HORMAD1: variants seen among roughly 807,000 people sequenced by gnomAD.
The protein encoded by HORMAD1 is HORMA domain-containing protein 1.
In HORMAD1, 33 loss-of-function variants were observed where a neutral mutation model predicts 58.2. That is an observed-to-expected ratio of 0.57 (90% CI 0.43 to 0.76). The LOEUF is 0.76. Among genes scored for constraint, HORMAD1 ranks in the 30% least tolerant of loss-of-function variants. HORMAD1 has a pLI of 0.00. For missense variants in HORMAD1, 363 were observed against 462.0 expected, an observed-to-expected ratio of 0.79 and a Z score of 1.96; for synonymous variants, 137 against 144.6, an observed-to-expected ratio of 0.95 and a Z score of 0.38.
chr1:150,706,264 T>C (rs587646293), intron 10 of HORMAD1, among the ~76,000 whole-genome samples: 1 of 152,194 alleles, frequency 6.6e-6, no homozygotes, highest in African/African-American at 2.4e-5. Flanking sequence ...GTCCTAGGGG[T>C]TTCCTCAGAG....
chr1:150,711,471 T>G (rs1180581354), intron 7 of HORMAD1, 74 bp downstream of exon 7: 3 of 986,596 alleles, frequency 3.0e-6, no homozygotes, highest in Non-Finnish European at 4.8e-6. Flanking sequence ...GCATAAGATA[T>G]TCTTATATTA....
At chr1:150,709,646 T>C (rs1259336150) in intron 7 of HORMAD1, among the ~76,000 whole-genome samples, 3 of 151,698 alleles carry the variant, frequency 2.0e-5, no homozygotes, top group Non-Finnish European at 2.9e-5. Flanking sequence ...AAAAGGTCTG[T>C]GCTGAGGTGG....
chr1:150,711,820 TA>T lies in HORMAD1; in HGVS notation c.300+12del. 1.9e-6 allele frequency: 3 copies of T among 1,569,616 alleles called. No individual in the cohort carries two copies. The highest frequency in any genetic ancestry group is 2.6e-6 in the Non-Finnish European group (3 of 1,144,468). Reference sequence around the variant, plus strand: ...AGTATTAAAAAAAGAACACACAATTTAAAAATACTTACAGCTAGAACAACCA... The same window carrying T: ...AGTATTAAAAAAAGAACACACAATTTAAAATACTTACAGCTAGAACAACCA... On this transcript the variant is annotated intron_variant, in intron 6 of 14. Transcript: ENST00000361824.
intron 4 of HORMAD1, among the ~76,000 whole-genome samples, chr1:150,714,385 G>C (rs1053552329): frequency 6.6e-6 from 1 of 152,092 alleles, no homozygotes; most frequent in Admixed American, 6.6e-5. Flanking sequence ...AAGCCTGCTT[G>C]CATGGGGCAC....
Position 150,703,295 on chromosome 1 carries a change from T to C in HORMAD1, c.1032+15A>G, listed in dbSNP as rs1400695082. On this transcript the variant is annotated intron_variant, in intron 13 of 14. Transcript: ENST00000361824. ...ACAAGGTTACAATGGAAAACAAACC[T>C]AAAGAGATATTTACCATTTTATTCT... 3.7e-6 allele frequency: 5 copies of C among 1,357,274 alleles called. No individual in the cohort carries two copies. The highest frequency in any genetic ancestry group is 1.3e-5 in the South Asian group (1 of 79,620). 84.1% of individuals were successfully genotyped at this position (1,357,274 alleles called of 1,614,324 possible).
At chr1:150,712,356 T>C (rs1284098245) in intron 5 of HORMAD1, among the ~76,000 whole-genome samples, 1 of 152,118 alleles carries the variant, frequency 6.6e-6, no homozygotes, top group Non-Finnish European at 1.5e-5. Context: ...TTCCTTGTAT[T>C]ACACAACCAG....
chr1:150,698,158 C>T lies in HORMAD1; in HGVS notation c.*496G>A. On this transcript the variant is annotated 3_prime_UTR_variant, in exon 15 of 15. Coordinates refer to ENST00000361824, the MANE Select transcript of HORMAD1 (RefSeq NM_032132.5). The stretch of plus-strand genomic sequence containing the variant: ...AAAAAAGCATAGTAAAGGTAAAGCA[C>T]CAATTCTTAAATTGTACATTATATA... The T allele has an allele frequency of 6.6e-6, 1 of 152,062 alleles. No homozygotes were observed. The highest frequency in any genetic ancestry group is 1.9e-4 in the East Asian group (1 of 5,202). The allele number at this position is 152,062 out of a possible 1,614,324, so 9.4% of individuals were successfully genotyped here. A position where few individuals can be genotyped will look rare whatever the true frequency, so the allele number is the denominator to read the frequency against.
intron 1 of HORMAD1, among the ~76,000 whole-genome samples, chr1:150,720,065 C>CAT (rs369368960): frequency 4.1e-4 from 61 of 149,992 alleles, no homozygotes; most frequent in Non-Finnish European, 2.1e-4. Context: ...AGGTGCCCAC[C>CAT]ATATATATAT....
rs1222758940 is a variant in HORMAD1, at chr1:150,720,833, C to G, written c.-63G>C. The G allele has an allele frequency of 3.9e-5, 6 of 152,390 alleles. No homozygotes were observed. The East Asian group carries it at 7.7e-4, about 20-fold the overall frequency. The allele number at this position is 152,390 out of a possible 1,614,324, so 9.4% of individuals were successfully genotyped here. On this transcript the variant is annotated 5_prime_UTR_variant, in exon 1 of 15. Coordinates refer to ENST00000361824, the MANE Select transcript of HORMAD1 (RefSeq NM_032132.5). Reference sequence around the variant, plus strand: ...CGTCTGAGGGGCGGGCGCCGGAGACCAGAAGAGCTGCACGAGGCTGCACGC... The same window carrying G: ...CGTCTGAGGGGCGGGCGCCGGAGACGAGAAGAGCTGCACGAGGCTGCACGC...
Position 150,698,370 on chromosome 1 carries a change from A to C in HORMAD1, c.*284T>G, listed in dbSNP as rs913571393. 5.0e-6 allele frequency: 1 copy of C among 201,124 alleles called. No homozygotes were observed. The highest frequency in any genetic ancestry group is 2.3e-5 in the African/African-American group (1 of 43,248). 12.5% of individuals were successfully genotyped at this position (201,124 alleles called of 1,614,324 possible). ...ATTAGAGGGCCTTAACAGTTAGTAT[A>C]TATTTAAAGGAAATATTAAGTAGGT... On this transcript the variant is annotated 3_prime_UTR_variant, in exon 15 of 15. Transcript: ENST00000361824.
chr1:150,707,993 T>C (rs927606592), intron 9 of HORMAD1, among the ~76,000 whole-genome samples: 3 of 152,190 alleles, frequency 2.0e-5, no homozygotes, highest in Admixed American at 6.5e-5. Flanking sequence ...TAACACGTTT[T>C]ACCAATCTGA....
At chr1:150,706,494 T>A (rs1214603386) in intron 10 of HORMAD1, 59 bp downstream of exon 10, 3 of 1,387,222 alleles carry the variant, frequency 2.2e-6, no homozygotes, top group Admixed American at 4.2e-5. Flanking sequence ...TGAAAAATCT[T>A]CAGAATTGAG....
intron 3 of HORMAD1, among the ~76,000 whole-genome samples, chr1:150,716,886 C>G (rs1042492842): frequency 1.3e-5 from 2 of 148,286 alleles, no homozygotes; most frequent in Non-Finnish European, 3.0e-5. Flanking sequence ...TGGCGTGAAC[C>G]CAGGAGGTGG....
In HORMAD1 at chr1:150,698,372, A is replaced by T. The variant is rs1398456269; in HGVS notation, c.*282T>A. ...TAGAGGGCCTTAACAGTTAGTATAT[A>T]TTTAAAGGAAATATTAAGTAGGTAA... On this transcript the variant is annotated 3_prime_UTR_variant, in exon 15 of 15. Transcript: ENST00000361824. 1 of 204,582 alleles carries T rather than the reference A, an allele frequency of 4.9e-6. No individual in the cohort carries two copies. The highest frequency in any genetic ancestry group is 2.3e-5 in the African/African-American group (1 of 43,356). The allele number at this position is 204,582 out of a possible 1,614,324, so 12.7% of individuals were successfully genotyped here.
chr1:150,703,459 A>C, intron 12 of HORMAD1, 66 bp from the exon 13 acceptor site: 1 of 839,882 alleles, frequency 1.2e-6, no homozygotes, highest in Non-Finnish European at 1.8e-6. Context: ...AACACAATAA[A>C]TGGGGTCCAA....
intron 10 of HORMAD1, among the ~76,000 whole-genome samples, chr1:150,706,295 C>T (rs1376388427): frequency 6.6e-6 from 1 of 152,132 alleles, no homozygotes; most frequent in Non-Finnish European, 1.5e-5. Flanking sequence ...AGGTAAGTGA[C>T]ATAGGGAGTG....
rs757561435 is a variant in HORMAD1 at position 150,704,074 on chromosome 1, C to G, written c.948+44G>C. 2.3e-6 allele frequency: 3 copies of G among 1,316,718 alleles called. No individual in the cohort carries two copies. In the South Asian group the frequency reaches 4.1e-5, roughly 18 times the overall value. The allele number at this position is 1,316,718 out of a possible 1,614,324, so 81.6% of individuals were successfully genotyped here. A position where few individuals can be genotyped will look rare whatever the true frequency, so the allele number is the denominator to read the frequency against. On this transcript the variant is annotated intron_variant, in intron 12 of 14. Transcript: ENST00000361824. ...AAAAAATTAGCGCATAAGCAACTGT[C>G]CTGTGAACAAAACAAAAGTGAGATG...
At chr1:150,705,690 A>AAC (rs1651670006) in intron 10 of HORMAD1, among the ~76,000 whole-genome samples, 3 of 152,206 alleles carry the variant, frequency 2.0e-5, no homozygotes, top group Non-Finnish European at 2.9e-5. Flanking sequence ...GAATGCTACA[A>AAC]ACACCTCAGC....
At chr1:150,706,418 A>T in intron 10 of HORMAD1, 135 bp downstream of exon 10, 1 of 762,358 alleles carries the variant, frequency 1.3e-6, no homozygotes, top group Non-Finnish European at 2.1e-6. Flanking sequence ...CCTAGACTTT[A>T]AGGTCCCTTT....
Sources: allele counts gnomAD v4.1 joint callset (sites outside exome capture counted in the v4.1 genomes callset), GRCh38; gene constraint gnomAD v4.1.1; transcripts MANE v1.5; gene names NCBI Gene and HGNC (gene_info 2026-07-23, HGNC 2026-07-21).